The following CBR4 variants were observed in gnomAD, a reference collection of about 807,000 sequenced individuals.
CBR4 encodes 3-oxoacyl-[acyl-carrier-protein] reductase.
In CBR4, 22 loss-of-function variants were observed where a neutral mutation model predicts 21.0. The ratio of observed to expected loss-of-function variants is 1.05; its 90% confidence interval spans 0.75 to 1.50. The LOEUF is 1.50. CBR4 is among the 40% of genes most tolerant of loss of function. The pLI, the probability that CBR4 is intolerant of heterozygous loss-of-function variation, is 0.00. For synonymous variants in CBR4, 100 were observed against 104.4 expected (o/e 0.96, Z 0.26); for missense variants, 302 against 286.3 (o/e 1.05, Z -0.40).
chr4:168,906,323 G>A (rs747678658), intron 2 of CBR4, among the ~76,000 whole-genome samples: 8 of 152,220 alleles, frequency 5.3e-5, no homozygotes, highest in African/African-American at 1.7e-4. Context: ...TTGTGAGTCC[G>A]CTTAGTGTCT....
intron 2 of CBR4, among the ~76,000 whole-genome samples, chr4:168,943,901 C>A (rs1460334738): frequency 6.6e-6 from 1 of 151,872 alleles, no homozygotes; most frequent in South Asian, 2.1e-4. Flanking sequence ...AAGAGGGAAA[C>A]TCTGTCTCAA....
intron 2 of CBR4, among the ~76,000 whole-genome samples, chr4:168,958,553 G>GT (rs904158667): frequency 2.0e-5 from 3 of 152,274 alleles, no homozygotes; most frequent in Admixed American, 6.5e-5. Flanking sequence ...GTGTGAACAC[G>GT]TATTTTTATT....
intron 2 of CBR4, chr4:168,926,623 A>C (rs1762612945): frequency 7.1e-6 from 3 of 424,416 alleles, no homozygotes; most frequent in African/African-American, 2.0e-5. Flanking sequence ...AAAACTTTGG[A>C]ATTGCTGTGA....
At chr4:168,927,757 G>A (rs1241516463) in intron 2 of CBR4, 3 of 221,156 alleles carry the variant, frequency 1.4e-5, no homozygotes, top group African/African-American at 6.7e-5. Flanking sequence ...GCTAGACTGA[G>A]TTGATTCTGA....
rs139429436 is a variant in CBR4 at position 168,981,338 on chromosome 4, G to T, written n.169+20733C>A. 7.5e-4 allele frequency among the ~76,000 whole-genome samples: 114 copies of T among 152,254 alleles called. 3 individuals are homozygous for T. The highest frequency in any genetic ancestry group is 5.1e-4 in the Non-Finnish European group (35 of 68,014). On this transcript the variant is annotated intron_variant and non_coding_transcript_variant, in intron 2 of 3. Transcript: ENST00000509108. ...TGCTTGAACCCAGGAGGCAGAGGTA[G>T]CAGTGAGCCGAGATCGCATCACTGC...
chr4:168,895,211 G>A (rs1240643722), intron 2 of CBR4, among the ~76,000 whole-genome samples: 2 of 152,006 alleles, frequency 1.3e-5, no homozygotes, highest in East Asian at 1.9e-4. Flanking sequence ...GTGAAACCCC[G>A]TCTCTACTAA....
chr4:168,953,257 T>A (rs1354385236), intron 2 of CBR4, among the ~76,000 whole-genome samples: 1 of 151,228 alleles, frequency 6.6e-6, no homozygotes, highest in African/African-American at 2.4e-5. Context: ...CCGGTCTTAC[T>A]CCCACCGTGC....
intron 3 of CBR4, chr4:169,005,856 C>T (rs1281833024): frequency 7.8e-7 from 1 of 1,284,166 alleles, no homozygotes; most frequent in Non-Finnish European, 1.0e-6. Context: ...AAAACCATTT[C>T]CTACATTTAA....
intron 2 of CBR4, among the ~76,000 whole-genome samples, chr4:168,953,313 C>A (rs1240290524): frequency 6.6e-6 from 1 of 152,182 alleles, no homozygotes; most frequent in Non-Finnish European, 1.5e-5. Flanking sequence ...AGACAGTGGG[C>A]AAGCAGGGTT....
At chr4:168,939,249 C>G (rs901727822) in intron 2 of CBR4, among the ~76,000 whole-genome samples, 2 of 152,152 alleles carry the variant, frequency 1.3e-5, no homozygotes, top group Non-Finnish European at 2.9e-5. Context: ...ATTCAACACC[C>G]CTTCATGCAA....
At chr4:168,959,291 C>G (rs1763774811) in intron 2 of CBR4, among the ~76,000 whole-genome samples, 1 of 152,162 alleles carries the variant, frequency 6.6e-6, no homozygotes, top group Non-Finnish European at 1.5e-5. Context: ...CAAAGTCTTT[C>G]CTTTTCTTCA....
At position 168,927,712 on chromosome 4, in the gene CBR4, A is replaced by G. The variant is rs116912964; in HGVS notation, n.170-32947T>C. 107 of 224,384 alleles carry G rather than the reference A, an allele frequency of 4.8e-4. 1 individual carries two copies. In the East Asian group the frequency reaches 6.3e-3, roughly 13 times the overall value. 13.9% of individuals were successfully genotyped at this position (224,384 alleles called of 1,614,324 possible). On this transcript the variant is annotated intron_variant and non_coding_transcript_variant, in intron 2 of 3. Coordinates refer to the CBR4 transcript ENST00000509108. ...CAAGGTTTGTAAAGGCATCTCGGTA[A>G]AGACTGCTTTTTGAATGCATATGAT...
At chr4:169,008,858 TTTTC>T (rs1731138927) in intron 1 of CBR4, 2 of 404,408 alleles carry the variant, frequency 4.9e-6, no homozygotes, top group Admixed American at 3.5e-5. Flanking sequence ...ACAGAATCTT[TTTTC>T]TTTTAGAGAG....
intron 2 of CBR4, among the ~76,000 whole-genome samples, chr4:168,947,832 A>G (rs1016699911): frequency 2.0e-5 from 3 of 152,196 alleles, no homozygotes; most frequent in African/African-American, 7.2e-5. Context: ...TTATGCTGCT[A>G]TAAATGTGTG....
intron 2 of CBR4, among the ~76,000 whole-genome samples, chr4:168,905,803 T>C (rs905155264): frequency 3.4e-5 from 5 of 145,822 alleles, no homozygotes; most frequent in African/African-American, 1.3e-4. Flanking sequence ...TTTTTTTTTT[T>C]TTTTTTTCTT....
chr4:168,923,776 T>G (rs1216238452), intron 2 of CBR4, among the ~76,000 whole-genome samples: 1 of 152,196 alleles, frequency 6.6e-6, no homozygotes, highest in Non-Finnish European at 1.5e-5. Flanking sequence ...ATGGCATGTC[T>G]CACTTAAGAG....
chr4:168,999,617 T>C (rs191497024), intron 4 of CBR4, among the ~76,000 whole-genome samples: 242 of 84,944 alleles, frequency 2.8e-3, no homozygotes, highest in African/African-American at 0.011. Flanking sequence ...AGGGGAGTGA[T>C]AAATAAAACC....
intron 2 of CBR4, among the ~76,000 whole-genome samples, chr4:168,935,228 G>A (rs1029935259): frequency 2.0e-5 from 3 of 152,212 alleles, no homozygotes; most frequent in African/African-American, 7.2e-5. Context: ...TGCCATGAGG[G>A]ACGGTGCATT....
chr4:168,950,665 G>A (rs752605904), intron 2 of CBR4, among the ~76,000 whole-genome samples: 2 of 152,184 alleles, frequency 1.3e-5, no homozygotes, highest in Admixed American at 6.5e-5. Flanking sequence ...TTGATGACCT[G>A]TCTAGTGATG....
Sources: gnomAD v4.1 joint callset for allele counts (sites outside exome capture counted in the v4.1 genomes callset) on GRCh38, gnomAD v4.1.1 for gene constraint, MANE v1.5 for transcripts, NCBI Gene and HGNC (gene_info 2026-07-23, HGNC 2026-07-21) for gene names.